PEX14: variants seen among roughly 807,000 people sequenced by gnomAD.
The protein encoded by PEX14 is peroxisomal biogenesis factor 14, also known as peroxisomal membrane protein PEX14.
A neutral mutation model predicts 49.5 loss-of-function variants in PEX14; 15 were observed. That is an observed-to-expected ratio of 0.30 (90% CI 0.20 to 0.47). PEX14 has a LOEUF of 0.47. Among genes scored for constraint, PEX14 ranks in the 20% least tolerant of loss-of-function variants. The pLI is 1.00. For synonymous variants in PEX14, 210 were observed against 212.7 expected (o/e 0.99, Z 0.11); for missense variants, 398 against 494.8 (o/e 0.80, Z 1.86).
chr1:10,485,859 G>A (rs1187334566), intron 1 of PEX14, among the ~76,000 whole-genome samples: 1 of 150,604 alleles, frequency 6.6e-6, no homozygotes, highest in African/African-American at 2.5e-5. Context: ...GGGTTCAAGC[G>A]ATTCTCCTGT....
rs892223674 is a variant in PEX14, at chr1:10,613,513, A to C, written c.299-4819A>C. Among the ~76,000 whole-genome samples, 4 of 152,178 alleles carry C rather than the reference A, an allele frequency of 2.6e-5. No homozygotes were observed. The highest frequency in any genetic ancestry group is 5.9e-5 in the Non-Finnish European group (4 of 68,036). On this transcript the variant is annotated intron_variant, in intron 4 of 8. Transcript: ENST00000356607. The surrounding 1 kb of genome is among the most constrained non-coding windows in gnomAD (Gnocchi z 5.0). ...TGCAGCCCACAGCGCCACAGCGTAG[A>C]GGCAGTCCAGGAAGGCCCAGGTGTG... is the stretch of plus-strand genomic sequence containing the variant.
chr1:10,489,302 G>A (rs1488549402), intron 1 of PEX14, among the ~76,000 whole-genome samples: 1 of 152,168 alleles, frequency 6.6e-6, no homozygotes, highest in African/African-American at 2.4e-5. Flanking sequence ...TTTTTTATTG[G>A]ATGCTGGATA....
intron 2 of PEX14, among the ~76,000 whole-genome samples, chr1:10,519,870 G>T (rs1407201087): frequency 6.6e-6 from 1 of 151,906 alleles, no homozygotes; most frequent in African/African-American, 2.4e-5. Flanking sequence ...TTCACCTTCC[G>T]GCCGAAGTGA....
At chr1:10,517,350 CAGGCAGTGATCAGAT>C (rs1475660383) in intron 2 of PEX14, among the ~76,000 whole-genome samples, 1 of 152,154 alleles carries the variant, frequency 6.6e-6, no homozygotes, top group Non-Finnish European at 1.5e-5. Context: ...CTGGCTGCAT[CAGGCAGTGATCAGAT>C]AGGCACTGAT....
intron 3 of PEX14, among the ~76,000 whole-genome samples, chr1:10,547,704 T>C (rs1639216569): frequency 6.6e-6 from 1 of 152,140 alleles, no homozygotes; most frequent in South Asian, 2.1e-4. Context: ...CAAATTATCT[T>C]ATTTTCAGGT....
At chr1:10,610,748 C>G (rs1231952312) in intron 4 of PEX14, among the ~76,000 whole-genome samples, 1 of 152,218 alleles carries the variant, frequency 6.6e-6, no homozygotes, top group Non-Finnish European at 1.5e-5. Flanking sequence ...CCGCCTTGGC[C>G]TCCCAAAGTG....
At position 10,512,185 on chromosome 1, in the gene PEX14, C is replaced by T. The variant is rs1034115848; in HGVS notation, c.84+16864C>T. Among the ~76,000 whole-genome samples, 4 of 152,154 alleles carry T rather than the reference C, an allele frequency of 2.6e-5. No homozygotes were observed. The highest frequency in any genetic ancestry group is 3.8e-4 in the East Asian group (2 of 5,202). ...ATGTTAGCCAGGATGGTCTCGACCT[C>T]CTGACCTCGTGATCTGCCCTCCTCG... On this transcript the variant is annotated intron_variant, in intron 2 of 8. Transcript: ENST00000356607. The surrounding 1 kb of genome is among the most constrained non-coding windows in gnomAD (Gnocchi z 4.6).
chr1:10,509,051 CT>C (rs1641839385), intron 2 of PEX14, among the ~76,000 whole-genome samples: 1 of 152,198 alleles, frequency 6.6e-6, no homozygotes, highest in African/African-American at 2.4e-5. Context: ...ATTCTCCTGC[CT>C]CAGCCTCCCG....
chr1:10,581,587 A>C (rs1640321604), intron 3 of PEX14, among the ~76,000 whole-genome samples: 8 of 151,900 alleles, frequency 5.3e-5, no homozygotes, highest in Admixed American at 5.2e-4. Flanking sequence ...TACAGGCGTG[A>C]GCCACCGTGC....
At chr1:10,517,598 A>G (rs947706393) in intron 2 of PEX14, among the ~76,000 whole-genome samples, 4 of 150,938 alleles carry the variant, frequency 2.7e-5, no homozygotes, top group Non-Finnish European at 4.4e-5. Context: ...TTGGAGGTTC[A>G]GGTTTTGGCA....
intron 2 of PEX14, among the ~76,000 whole-genome samples, chr1:10,528,907 TC>T (rs1201688075): frequency 2.0e-5 from 3 of 152,218 alleles, no homozygotes; most frequent in African/African-American, 7.2e-5. Context: ...GCTACCGTGA[TC>T]CGTGTATAAT....
intron 3 of PEX14, among the ~76,000 whole-genome samples, chr1:10,555,293 A>G (rs2124518256): frequency 6.6e-6 from 1 of 152,066 alleles, no homozygotes; most frequent in South Asian, 2.1e-4. Flanking sequence ...GACATTGAGT[A>G]TTGTTACCCA....
chr1:10,516,130 A>C (rs1641965757), intron 2 of PEX14, among the ~76,000 whole-genome samples: 1 of 152,220 alleles, frequency 6.6e-6, no homozygotes, highest in Non-Finnish European at 1.5e-5. Context: ...ATACCGAATG[A>C]TCTAATTCAA....
intron 3 of PEX14, among the ~76,000 whole-genome samples, chr1:10,570,076 T>A (rs1639927474): frequency 6.6e-6 from 1 of 152,128 alleles, no homozygotes; most frequent in Non-Finnish European, 1.5e-5. Context: ...TTCTTTCCTA[T>A]CTTTTATCTT....
intron 3 of PEX14, among the ~76,000 whole-genome samples, chr1:10,547,454 G>T (rs1439736316): frequency 6.6e-6 from 1 of 152,182 alleles, no homozygotes; most frequent in Non-Finnish European, 1.5e-5. Flanking sequence ...AATTATGGGT[G>T]CGTTAGTCCC....
At chr1:10,540,227 G>A (rs17035217) in intron 3 of PEX14, among the ~76,000 whole-genome samples, 1,966 of 152,290 alleles carry the variant, frequency 0.013, 51 homozygotes, top group African/African-American at 0.045. Flanking sequence ...CCCAACCTTG[G>A]TAGTGGGCTA....
At chr1:10,603,270 C>T (rs1055910443) in intron 4 of PEX14, among the ~76,000 whole-genome samples, 2 of 152,200 alleles carry the variant, frequency 1.3e-5, no homozygotes, top group Admixed American at 1.3e-4. Context: ...AAAACCTGAT[C>T]TTTAAGCATC....
At chr1:10,557,246 C>T (rs1639513517) in intron 3 of PEX14, among the ~76,000 whole-genome samples, 1 of 152,132 alleles carries the variant, frequency 6.6e-6, no homozygotes, top group African/African-American at 2.4e-5. Flanking sequence ...TTTAAGTATC[C>T]TTGGGAAATA....
intron 3 of PEX14, among the ~76,000 whole-genome samples, chr1:10,556,089 C>T (rs1405120669): frequency 6.6e-6 from 1 of 152,136 alleles, no homozygotes; most frequent in Non-Finnish European, 1.5e-5. Context: ...ACTGAAACCG[C>T]CTTCTGCAGG....
Sources: gnomAD v4.1 joint callset for allele counts (sites outside exome capture counted in the v4.1 genomes callset) on GRCh38, gnomAD v4.1.1 for gene constraint, Gnocchi (gnomAD v3.1) non-coding constraint, MANE v1.5 for transcripts, NCBI Gene and HGNC (gene_info 2026-07-23, HGNC 2026-07-21) for gene names.